RNF144A: variants seen among roughly 807,000 people sequenced by gnomAD.
RNF144A encodes ring finger protein 144A, also known as E3 ubiquitin-protein ligase RNF144A.
A neutral mutation model predicts 38.7 loss-of-function variants in RNF144A; 11 were observed. That is an observed-to-expected ratio of 0.28 (90% CI 0.18 to 0.47). The LOEUF is 0.47. Among genes scored for constraint, RNF144A ranks in the 20% least tolerant of loss-of-function variants. The pLI is 0.99. For synonymous variants in RNF144A, 149 were observed against 143.9 expected (o/e 1.04, Z -0.25); for missense variants, 316 against 377.2 (o/e 0.84, Z 1.34).
In RNF144A at chr2:7,024,516, C is replaced by T. The variant is rs199643885; in HGVS notation, c.657C>T (p.Asp219=). 76 of 1,603,908 alleles carry T rather than the reference C, an allele frequency of 4.7e-5. 1 individual carries two copies. The Middle Eastern group carries it at 9.9e-4, about 21-fold the overall frequency. Reference sequence around the variant, plus strand: ...GCTGGTACTGCCTGGAGTCTCTGGACGTGAGTACGGCCTTCAGCTTCACCT... The same window carrying T: ...GCTGGTACTGCCTGGAGTCTCTGGATGTGAGTACGGCCTTCAGCTTCACCT... The part of the protein sequence containing the change: ...AFCWYCLESL[D]DDFLLIHYDK... Residue 219 remains aspartate (D), a splice_region_variant and synonymous_variant, in exon 7 of 9, where the codon GAC becomes GAT. Coordinates refer to ENST00000320892, the MANE Select transcript of RNF144A (RefSeq NM_014746.6).
chr2:7,022,747 C>T (rs1013122418), intron 6 of RNF144A, among the ~76,000 whole-genome samples: 2 of 152,180 alleles, frequency 1.3e-5, no homozygotes, highest in Non-Finnish European at 2.9e-5. Flanking sequence ...AAGTCATTCT[C>T]AGAAGGAGGC....
At chr2:7,031,034 G>A (rs1235237416) in intron 8 of RNF144A, among the ~76,000 whole-genome samples, 3 of 152,126 alleles carry the variant, frequency 2.0e-5, no homozygotes, top group African/African-American at 7.2e-5. Flanking sequence ...GGCTCAGGCG[G>A]TAACGTGAGC....
downstream of RNF144A, among the ~76,000 whole-genome samples, chr2:7,073,275 G>A (rs1287479133): frequency 3.3e-5 from 5 of 152,170 alleles, no homozygotes; most frequent in African/African-American, 1.2e-4. Flanking sequence ...ACGTTTGGCT[G>A]TTGGGAAACC....
At chr2:6,922,096 C>G (rs1664573278) in intron 1 of RNF144A, among the ~76,000 whole-genome samples, 1 of 152,170 alleles carries the variant, frequency 6.6e-6, no homozygotes, top group Admixed American at 6.5e-5. Context: ...TATCTGTGTT[C>G]CCTCCATTTC....
intron 2 of RNF144A, among the ~76,000 whole-genome samples, chr2:6,968,492 G>A (rs1026422893): frequency 2.6e-5 from 4 of 152,264 alleles, no homozygotes; most frequent in Non-Finnish European, 5.9e-5. Flanking sequence ...ACATGAACAC[G>A]GCTCCAGTAA....
chr2:6,994,134 C>A (rs1357948828), intron 2 of RNF144A, among the ~76,000 whole-genome samples: 1 of 152,184 alleles, frequency 6.6e-6, no homozygotes, highest in African/African-American at 2.4e-5. Context: ...CTTTACCCTG[C>A]AACTTCCCCA....
At chr2:7,027,947 G>T (rs1293246222) in intron 7 of RNF144A, among the ~76,000 whole-genome samples, 1 of 136,486 alleles carries the variant, frequency 7.3e-6, no homozygotes, top group Non-Finnish European at 1.6e-5. Context: ...ACTCCGCTCC[G>T]TTGGACCCCA....
chr2:6,926,716 G>A lies in RNF144A; in HGVS notation c.-212+9094G>A, dbSNP rs561985109. Among the ~76,000 whole-genome samples, 21 of 152,268 alleles carry A rather than the reference G, an allele frequency of 1.4e-4. No individual in the cohort carries two copies. In the East Asian group the frequency reaches 2.7e-3, roughly 20 times the overall value. Reference sequence around the variant, plus strand: ...TAAATATTTGTTGAAATGAATCTGCGTCTTTTCCCTTCAAAGACATTTGAG... The same window carrying A: ...TAAATATTTGTTGAAATGAATCTGCATCTTTTCCCTTCAAAGACATTTGAG... On this transcript the variant is annotated intron_variant, in intron 1 of 8. Transcript: ENST00000320892.
At chr2:6,919,400 T>C (rs1664387112) in intron 1 of RNF144A, among the ~76,000 whole-genome samples, 1 of 152,184 alleles carries the variant, frequency 6.6e-6, no homozygotes, top group African/African-American at 2.4e-5. Flanking sequence ...GCCTTTTACA[T>C]TTTTGTTTTT....
intron 2 of RNF144A, among the ~76,000 whole-genome samples, chr2:6,987,836 T>C (rs923406645): frequency 6.6e-6 from 1 of 152,246 alleles, no homozygotes; most frequent in East Asian, 1.9e-4. Flanking sequence ...ATCTGTTACA[T>C]TGAAATGACT....
chr2:6,947,379 A>G (rs749317951), intron 2 of RNF144A, among the ~76,000 whole-genome samples: 22 of 152,148 alleles, frequency 1.4e-4, no homozygotes, highest in Non-Finnish European at 2.6e-4. Context: ...TAAAATCAGT[A>G]AAATACTTCC....
chr2:7,070,965 C>G (rs1392876379), downstream of RNF144A, among the ~76,000 whole-genome samples: 11 of 145,556 alleles, frequency 7.6e-5, no homozygotes, highest in African/African-American at 2.8e-4. Context: ...GATGGAGTCT[C>G]ACTCTGTCAC....
chr2:6,991,011 T>G lies in RNF144A; in HGVS notation c.-11-5905T>G, dbSNP rs569557865. 2.6e-5 allele frequency among the ~76,000 whole-genome samples: 4 copies of G among 152,340 alleles called. No individual in the cohort carries two copies. In the East Asian group the frequency reaches 5.8e-4, roughly 22 times the overall value. ...ATTTCTTCCATGTCTTTTCTTGGCTTGATGACTTATTTTTTCAGTGCCGAA... is the reference window on the plus strand; with the variant it reads ...ATTTCTTCCATGTCTTTTCTTGGCTGGATGACTTATTTTTTCAGTGCCGAA... On this transcript the variant is annotated intron_variant, in intron 2 of 8. Coordinates refer to ENST00000320892, the MANE Select transcript of RNF144A (RefSeq NM_014746.6).
At chr2:7,003,878 T>C (rs1395934992) in intron 3 of RNF144A, among the ~76,000 whole-genome samples, 2 of 152,252 alleles carry the variant, frequency 1.3e-5, no homozygotes, top group Non-Finnish European at 1.5e-5. Context: ...GCACGCTTTG[T>C]TTCCATTAGT....
intron 3 of RNF144A, among the ~76,000 whole-genome samples, chr2:7,014,126 T>C (rs1404100943): frequency 6.6e-6 from 1 of 152,236 alleles, no homozygotes; most frequent in Non-Finnish European, 1.5e-5. Context: ...ATTTGAGAAA[T>C]ATTACCTCCC....
intron 8 of RNF144A, among the ~76,000 whole-genome samples, chr2:7,035,012 T>G (rs187456728): frequency 1.2e-4 from 18 of 152,234 alleles, no homozygotes; most frequent in Admixed American, 1.3e-4. Context: ...GGGCATAACC[T>G]GAAGACTTCT....
intron 2 of RNF144A, among the ~76,000 whole-genome samples, chr2:6,995,438 G>A (rs544804507): frequency 2.4e-4 from 37 of 152,164 alleles, no homozygotes; most frequent in Non-Finnish European, 4.4e-4. Flanking sequence ...TTGTTAGGTA[G>A]TATTGACTCA....
At chr2:6,990,447 TATATATA>T (rs1489130961) in intron 2 of RNF144A, among the ~76,000 whole-genome samples, 11 of 126,040 alleles carry the variant, frequency 8.7e-5, no homozygotes, top group African/African-American at 2.9e-4. Context: ...GAGCTATATA[TATATATA>T]ATATATAATA....
chr2:7,059,174 C>G (rs142133053), intron 6 of RNF144A, among the ~76,000 whole-genome samples: 277 of 152,084 alleles, frequency 1.8e-3, no homozygotes, highest in Non-Finnish European at 3.2e-3. Context: ...AGTGTAACCC[C>G]ATCTCTACTA....
Sources: gnomAD v4.1 joint callset for allele counts (sites outside exome capture counted in the v4.1 genomes callset) on GRCh38, gnomAD v4.1.1 for gene constraint, MANE v1.5 for transcripts, NCBI Gene and HGNC (gene_info 2026-07-23, HGNC 2026-07-21) for gene names.